Variants in NTM observed in about 807,000 individuals in gnomAD.
The protein encoded by NTM is IgLON family member 2.
In NTM, 13 loss-of-function variants were observed where a neutral mutation model predicts 42.1. That is an observed-to-expected ratio of 0.31 (90% CI 0.20 to 0.49). The LOEUF (loss-of-function observed/expected upper bound fraction) is 0.49, where lower values mean the gene tolerates loss of function less well. NTM is among the 20% of genes least tolerant of loss of function. NTM has a pLI of 0.99. For synonymous variants in NTM, 187 were observed against 179.2 expected, an observed-to-expected ratio of 1.04 and a Z score of -0.35; for missense variants, 373 against 452.8, an observed-to-expected ratio of 0.82 and a Z score of 1.60.
At chr11:132,230,944 C>T (rs528930183) in intron 4 of NTM, among the ~76,000 whole-genome samples, 5 of 152,144 alleles carry the variant, frequency 3.3e-5, no homozygotes, top group South Asian at 2.1e-4. Context: ...GCCAGGGGGT[C>T]GAGGCTGCAG....
At position 132,146,842 on chromosome 11, in the gene NTM, G is replaced by GTTTT. The variant is rs2070537866; in HGVS notation, c.400+331_400+334dup. Reference sequence around the variant, plus strand: ...TTTGTTTTTTGTTTTGTTTTGTTTTGTTTTTTAGATTTCATCCAATTCCAA... The same window carrying GTTTT: ...TTTGTTTTTTGTTTTGTTTTGTTTTGTTTTTTTTTTAGATTTCATCCAATTCCAA... On this transcript the variant is annotated intron_variant, in intron 3 of 8. Transcript: ENST00000683400. The surrounding 1 kb of genome is among the most constrained non-coding windows in gnomAD (Gnocchi z 4.5). 3.0e-6 allele frequency: 1 copy of GTTTT among 331,146 alleles called. No homozygotes were observed. The highest frequency in any genetic ancestry group is 4.6e-5 in the Admixed American group (1 of 21,510). 20.5% of individuals were successfully genotyped at this position (331,146 alleles called of 1,614,324 possible).
intron 4 of NTM, among the ~76,000 whole-genome samples, chr11:132,272,015 G>T (rs1247677600): frequency 1.1e-4 from 16 of 152,014 alleles, no homozygotes; most frequent in Admixed American, 1.0e-3. Flanking sequence ...AAGAGTTATA[G>T]AACTTATATT....
chr11:131,462,836 C>T (rs1276839163), intron 1 of NTM, among the ~76,000 whole-genome samples: 2 of 151,796 alleles, frequency 1.3e-5, no homozygotes, highest in Non-Finnish European at 2.9e-5. Flanking sequence ...TGGTCCACCA[C>T]CTTCTCACTA....
intron 2 of NTM, among the ~76,000 whole-genome samples, chr11:131,980,001 A>G (rs2065000393): frequency 1.3e-5 from 2 of 152,212 alleles, no homozygotes; most frequent in Admixed American, 1.3e-4. Flanking sequence ...GAGTAAACTG[A>G]GTCAGGTTCC....
intron 1 of NTM, chr11:131,795,516 G>A (rs1026240353): frequency 2.6e-5 from 26 of 985,052 alleles, no homozygotes; most frequent in East Asian, 1.1e-4. Context: ...TTGTTTATTC[G>A]TCTGTCTCAT....
chr11:132,314,414 T>G, intron 6 of NTM, 138 bp from the exon 7 acceptor site: 1 of 912,638 alleles, frequency 1.1e-6, no homozygotes, highest in Non-Finnish European at 1.6e-6. Flanking sequence ...TATGGTGTGG[T>G]TGAGTGGATC....
chr11:131,747,507 A>G (rs2081967168), intron 1 of NTM, among the ~76,000 whole-genome samples: 1 of 151,906 alleles, frequency 6.6e-6, no homozygotes, highest in African/African-American at 2.4e-5. Flanking sequence ...TTGTAGCTGG[A>G]CTCTCGGCCT....
At chr11:132,077,753 C>T (rs2058550774) in intron 2 of NTM, among the ~76,000 whole-genome samples, 1 of 152,180 alleles carries the variant, frequency 6.6e-6, no homozygotes, top group Non-Finnish European at 1.5e-5. Flanking sequence ...AAAAATCAAA[C>T]AAGCAACAAG....
chr11:131,761,762 T>C (rs919723160), intron 1 of NTM, among the ~76,000 whole-genome samples: 78 of 151,984 alleles, frequency 5.1e-4, no homozygotes, highest in African/African-American at 1.8e-3. Context: ...TGAGCAGAGA[T>C]AGCGCCATTG....
intron 1 of NTM, among the ~76,000 whole-genome samples, chr11:131,765,448 T>G (rs1361465180): frequency 6.6e-6 from 1 of 152,206 alleles, no homozygotes; most frequent in Non-Finnish European, 1.5e-5. Context: ...CTGGAAATCT[T>G]TCTATCTTAT....
At chr11:131,910,222 A>T (rs1489176814) in intron 1 of NTM, 1 of 152,156 alleles carries the variant, frequency 6.6e-6, no homozygotes, top group Admixed American at 6.5e-5. Context: ...GTTTACTCTG[A>T]ATGCTAATGG....
At chr11:132,221,246 CA>C (rs2085108288) in intron 4 of NTM, among the ~76,000 whole-genome samples, 1 of 152,172 alleles carries the variant, frequency 6.6e-6, no homozygotes, top group Non-Finnish European at 1.5e-5. Context: ...CAATAGCTAA[CA>C]GTTGGTGGAT....
intron 1 of NTM, among the ~76,000 whole-genome samples, chr11:131,444,203 C>CAAAAAAAAAAAAAAAAAAA (rs71475757): frequency 2.0e-5 from 1 of 49,516 alleles, no homozygotes; most frequent in Non-Finnish European, 3.6e-5. Flanking sequence ...AGGTTAGAAC[C>CAAAAAAAAAAAAAAAAAAA]AAAAAAAAAA....
chr11:132,160,998 A>G (rs1255786772), intron 3 of NTM, among the ~76,000 whole-genome samples: 1 of 152,158 alleles, frequency 6.6e-6, no homozygotes, highest in African/African-American at 2.4e-5. Flanking sequence ...AAGTTAGGGG[A>G]GAGCAGACCC....
chr11:131,372,412 T>C (rs1392090924), intron 1 of NTM, among the ~76,000 whole-genome samples: 2 of 152,120 alleles, frequency 1.3e-5, no homozygotes, highest in African/African-American at 4.8e-5. Context: ...CATCCTCGAT[T>C]GACTCCTCTT....
intron 1 of NTM, among the ~76,000 whole-genome samples, chr11:131,463,234 G>T (rs1951572290): frequency 6.6e-6 from 1 of 152,230 alleles, no homozygotes; most frequent in Admixed American, 6.5e-5. Context: ...CACAAGCCTT[G>T]CTCTCCATCC....
At position 132,186,647 on chromosome 11, in the gene NTM, A is replaced by C. The variant is rs1178627124; in HGVS notation, c.401-25375A>C. 3.9e-5 allele frequency among the ~76,000 whole-genome samples: 6 copies of C among 151,972 alleles called. No homozygotes were observed. The East Asian group carries it at 1.2e-3, about 29-fold the overall frequency. Reference sequence around the variant, plus strand: ...TCATGGCATTGCAGCCATTCCTCCTATTTTTTTTCTTTAACGATATGTAAA... The same window carrying C: ...TCATGGCATTGCAGCCATTCCTCCTCTTTTTTTTCTTTAACGATATGTAAA... On this transcript the variant is annotated intron_variant, in intron 3 of 8. Coordinates refer to ENST00000683400, the MANE Select transcript of NTM (RefSeq NM_001352005.2).
At chr11:132,313,513 A>G (rs1250370878) in intron 6 of NTM, among the ~76,000 whole-genome samples, 1 of 152,210 alleles carries the variant, frequency 6.6e-6, no homozygotes, top group African/African-American at 2.4e-5. Context: ...GCATAGAATC[A>G]GCTTCAGGGC....
intron 1 of NTM, among the ~76,000 whole-genome samples, chr11:131,724,741 T>C (rs1245356486): frequency 6.6e-6 from 1 of 152,144 alleles, no homozygotes; most frequent in East Asian, 1.9e-4. Context: ...TCATAAATTA[T>C]AGACCTCAGC....
Sources: gnomAD v4.1 joint callset for allele counts (sites outside exome capture counted in the v4.1 genomes callset) on GRCh38, gnomAD v4.1.1 for gene constraint, Gnocchi (gnomAD v3.1) non-coding constraint, MANE v1.5 for transcripts, NCBI Gene and HGNC (gene_info 2026-07-23, HGNC 2026-07-21) for gene names.